Variants in FN1 observed in about 807,000 individuals in gnomAD.
FN1 encodes the protein fibronectin 1.
A neutral mutation model predicts 297.3 loss-of-function variants in FN1; 106 were observed. The observed-to-expected ratio is 0.36, with a 90% CI of 0.30 to 0.42. FN1 has a LOEUF of 0.42. Ranked by LOEUF, FN1 falls within the 10% of genes least tolerant of loss-of-function variation. The pLI is 1.00. For missense variants in FN1, 2,690 were observed against 3,124.9 expected (o/e 0.86, Z 3.32); for synonymous variants, 1,149 against 1,152.6 (o/e 1.00, Z 0.06).
chr2:215,372,842 A>G (rs1422144689), intron 39 of FN1, among the ~76,000 whole-genome samples: 1 of 152,210 alleles, frequency 6.6e-6, no homozygotes, highest in East Asian at 1.9e-4. Flanking sequence ...TAAAACACAC[A>G]TGTTCATTTT....
In FN1 at chr2:215,419,310, C is replaced by G. The variant is rs745549684; in HGVS notation, c.1751G>C (p.Arg584Thr). Residue 584 changes from arginine to threonine, a missense_variant, in exon 12 of 46, where the codon AGA (arginine) becomes ACA (threonine). Physicochemically the swap from Arg to Thr is moderately conservative, Grantham distance 71 (BLOSUM62 -1). This residue lies in a region of FN1 where 876 missense variants were observed against 1,058.1 expected (regional missense o/e 0.83). Coordinates refer to ENST00000354785, the MANE Select transcript of FN1 (RefSeq NM_212482.4). The part of the protein sequence containing the change: ...DSWEKYVHGV[R>T]YQCYCYGRGI... ...ACGGCCATAGCAGTAGCACTGGTAT[C>G]TGACACCATGCACATACTTCTCCCA... is the stretch of plus-strand genomic sequence containing the variant. The G allele has an allele frequency of 1.4e-5, 22 of 1,611,384 alleles. No individual in the cohort carries two copies. Among genetic ancestry groups the G allele is most frequent in the Non-Finnish European group, 1.9e-5 (22 of 1,177,598 alleles).
intron 15 of FN1, 52 bp downstream of exon 15, chr2:215,409,511 G>T: frequency 6.3e-7 from 1 of 1,575,182 alleles, no homozygotes; most frequent in African/African-American, 1.3e-5. Flanking sequence ...CCCACAAGGA[G>T]AGTTTTCCAG....
At position 215,399,268 on chromosome 2, in the gene FN1, T is replaced by C; in HGVS notation, c.3337A>G (p.Ile1113Val). The C allele has an allele frequency of 6.2e-7, 1 of 1,612,912 alleles. No homozygotes were observed. Among genetic ancestry groups the C allele is most frequent in the Non-Finnish European group, 8.5e-7 (1 of 1,178,946 alleles). The change falls in exon 21 of 46, where the codon ATT becomes GTT. Residue 1113 changes from isoleucine (I) to valine (V), a missense_variant. Physicochemically the swap from Ile to Val is conservative, Grantham distance 29 (BLOSUM62 3). This residue lies in a region of FN1 where 1,743 missense variants were observed against 1,945.2 expected (regional missense o/e 0.90). Coordinates refer to ENST00000354785, the MANE Select transcript of FN1 (RefSeq NM_212482.4). ...IVITWTPAPRIGFKLGVRPSQ... is the reference protein window; with the variant it reads ...IVITWTPAPRVGFKLGVRPSQ... ...CATCTGCAGTTTACCTTAAAACCAA[T>C]TCTTGGAGCAGGCGTCCATGTGATC... is the stretch of plus-strand genomic sequence containing the variant.
At chr2:215,422,634 T>C (rs891392168) in intron 9 of FN1, among the ~76,000 whole-genome samples, 1 of 152,106 alleles carries the variant, frequency 6.6e-6, no homozygotes, top group Non-Finnish European at 1.5e-5. Flanking sequence ...CAAGCAAAAG[T>C]GGGTTTTTTC....
rs372770694 is a variant in FN1, at chr2:215,379,174, T to G, written c.5578A>C (p.Asn1860His). 1.7e-5 allele frequency: 27 copies of G among 1,614,082 alleles called. No individual in the cohort carries two copies. In the African/African-American group the frequency reaches 3.5e-4, roughly 21 times the overall value. ...ACGGATGAGCTGTCAGGAGCAAGGT[T>G]GATTTCTTTCATTGGTCCGGTCTTC... is the stretch of plus-strand genomic sequence containing the variant. ...KEKTGPMKEI[N>H]LAPDSSSVVV... Residue 1860 changes from asparagine (N) to histidine (H), a missense_variant, in exon 34 of 46, where the codon AAC becomes CAC. Coordinates refer to ENST00000354785, the MANE Select transcript of FN1 (RefSeq NM_212482.4).
chr2:215,391,525 G>T, intron 26 of FN1, 107 bp downstream of exon 26: 1 of 888,638 alleles, frequency 1.1e-6, no homozygotes, highest in Non-Finnish European at 1.9e-6. Context: ...TTAGTTTGTA[G>T]CTTGGTTGCA....
At position 215,397,206 on chromosome 2, in the gene FN1, T is replaced by C. The variant is rs2060398366; in HGVS notation, c.3535A>G (p.Asn1179Asp). ...KVVTPLSPPT[N>D]LHLEANPDTG... ...TCAGGGTTTGCCTCCAGATGCAAGT[T>C]TGTTGGTGGAGACAATGCTATGCAG... The change falls in exon 23 of 46, where the codon AAC (asparagine) becomes GAC (aspartate). Residue 1179 changes from asparagine (N) to aspartate (D), a missense_variant. This residue lies in a region of FN1 where 1,743 missense variants were observed against 1,945.2 expected (regional missense o/e 0.90). Coordinates refer to ENST00000354785, the MANE Select transcript of FN1 (RefSeq NM_212482.4). 6.2e-7 allele frequency: 1 copy of C among 1,613,318 alleles called. No individual in the cohort carries two copies. The highest frequency in any genetic ancestry group is 8.5e-7 in the Non-Finnish European group (1 of 1,179,424).
At position 215,396,990 on chromosome 2, in the gene FN1, T is replaced by C. The variant is rs1362376311; in HGVS notation, c.3604+147A>G. On this transcript the variant is annotated intron_variant, in intron 23 of 45. Coordinates refer to ENST00000354785, the MANE Select transcript of FN1 (RefSeq NM_212482.4). The stretch of plus-strand genomic sequence containing the variant: ...AAGCATCCTGCAGGCTGCTCCATGA[T>C]GTACATCATGTACTGCTATAGTTTT... The C allele has an allele frequency of 1.1e-5, 8 of 739,076 alleles. No homozygotes were observed. The Admixed American group carries it at 1.4e-4, about 13-fold the overall frequency. The allele number at this position is 739,076 out of a possible 1,614,324, so 45.8% of individuals were successfully genotyped here.
At chr2:215,390,738 C>T (rs2059620256) in intron 26 of FN1, among the ~76,000 whole-genome samples, 2 of 152,262 alleles carry the variant, frequency 1.3e-5, no homozygotes, top group East Asian at 3.9e-4. Context: ...TAAAGATATT[C>T]TTGCCCTCAG....
At chr2:215,375,832 C>T in intron 36 of FN1, 114 bp from the exon 37 acceptor site, 1 of 722,636 alleles carries the variant, frequency 1.4e-6, no homozygotes. Flanking sequence ...ATATAGACTA[C>T]CAAAGTGGTC....
intron 35 of FN1, among the ~76,000 whole-genome samples, chr2:215,377,711 A>G (rs1352361661): frequency 7.1e-6 from 1 of 141,404 alleles, no homozygotes; most frequent in African/African-American, 2.5e-5. Context: ...CATTGTTAAG[A>G]TATAGCAGAA....
At chr2:215,434,613 T>C (rs1234366571) in intron 2 of FN1, 83 bp downstream of exon 2, 1 of 1,478,740 alleles carries the variant, frequency 6.8e-7, no homozygotes, top group African/African-American at 1.4e-5. Context: ...ATGGTGTATG[T>C]ATTTTTACTT....
chr2:215,408,590 C>A (rs1200001117), intron 15 of FN1, among the ~76,000 whole-genome samples, 164 bp from the exon 16 acceptor site: 2 of 152,156 alleles, frequency 1.3e-5, no homozygotes, highest in Non-Finnish European at 2.9e-5. Context: ...TATTTTTACA[C>A]AGAGTCTTGC....
intron 1 of FN1, 150 bp from the exon 2 acceptor site, chr2:215,434,974 G>A (rs2106555694): frequency 1.1e-6 from 1 of 880,182 alleles, no homozygotes; most frequent in South Asian, 1.6e-5. Context: ...ATCTGGCCAG[G>A]GGTCTACATA....
intron 13 of FN1, among the ~76,000 whole-genome samples, chr2:215,414,039 C>T (rs1430098709): frequency 6.6e-6 from 1 of 152,122 alleles, no homozygotes; most frequent in East Asian, 1.9e-4. Context: ...ATTTAACCGC[C>T]TGGGTTGGTC....
chr2:215,432,317 G>A (rs2066666871), intron 3 of FN1, among the ~76,000 whole-genome samples: 1 of 152,204 alleles, frequency 6.6e-6, no homozygotes, highest in African/African-American at 2.4e-5. Context: ...CTAATTCAGT[G>A]AAAAGGCCAC....
intron 22 of FN1, 79 bp downstream of exon 22, chr2:215,397,601 A>C: frequency 8.4e-7 from 1 of 1,192,570 alleles, no homozygotes; most frequent in Non-Finnish European, 1.3e-6. Flanking sequence ...CATAAGTAAA[A>C]AGTGATATTG....
Position 215,421,457 on chromosome 2 carries a change from G to A in FN1, c.1546+634C>T, listed in dbSNP as rs550839518. 5.1e-4 allele frequency among the ~76,000 whole-genome samples: 78 copies of A among 152,162 alleles called. No individual in the cohort carries two copies. In the South Asian group the frequency reaches 8.3e-3, roughly 16 times the overall value. The stretch of plus-strand genomic sequence containing the variant: ...AACACCACATGTAATTATTACTCCC[G>A]GATGGTGTTACCCACTGGACACCAC... On this transcript the variant is annotated intron_variant, in intron 10 of 45. Transcript: ENST00000354785.
At chr2:215,410,266 C>T (rs1284868905) in intron 13 of FN1, 152 bp from the exon 14 acceptor site, 5 of 756,888 alleles carry the variant, frequency 6.6e-6, no homozygotes, top group African/African-American at 3.5e-5. Flanking sequence ...AACTGGATTC[C>T]CAATGGTTAT....
Sources: gnomAD v4.1 joint callset for allele counts (sites outside exome capture counted in the v4.1 genomes callset) on GRCh38, gnomAD v4.1.1 for gene constraint, gnomAD v4.1.1 regional missense constraint, MANE v1.5 for transcripts, NCBI Gene and HGNC (gene_info 2026-07-23, HGNC 2026-07-21) for gene names.